Variants in CHL1 observed in about 807,000 individuals in gnomAD.
CHL1 encodes the protein cell adhesion molecule L1 like, also known as neural cell adhesion molecule L1-like protein.
Under a neutral mutation model 141.9 loss-of-function variants are expected in CHL1, and 96 were observed. That is an observed-to-expected ratio of 0.68 (90% CI 0.57 to 0.80). The LOEUF is 0.80. Among genes scored for constraint, CHL1 ranks in the 30% least tolerant of loss-of-function variants. The pLI is 0.00. For synonymous variants in CHL1, 613 were observed against 502.2 expected, an observed-to-expected ratio of 1.22 and a Z score of -2.95; for missense variants, 1,820 against 1,457.2, an observed-to-expected ratio of 1.25 and a Z score of -4.05.
intron 19 of CHL1, 42 bp from the exon 20 acceptor site, chr3:389,210 A>G (rs1294693930): frequency 6.7e-7 from 1 of 1,498,860 alleles, no homozygotes; most frequent in Admixed American, 1.9e-5. Flanking sequence ...CTGAGTCAAC[A>G]CATCTGTGAT....
At chr3:366,971 A>G (rs1037379969) in intron 15 of CHL1, among the ~76,000 whole-genome samples, 4 of 152,222 alleles carry the variant, frequency 2.6e-5, no homozygotes, top group African/African-American at 9.7e-5. Context: ...CAAAACCTAA[A>G]TCATATCTGG....
chr3:296,146 C>T (rs550852979), intron 2 of CHL1, among the ~76,000 whole-genome samples: 2 of 152,270 alleles, frequency 1.3e-5, no homozygotes, highest in East Asian at 3.9e-4. Flanking sequence ...GGTGCATCAG[C>T]TGAAACTTCA....
At chr3:325,510 C>T (rs548938910) in intron 3 of CHL1, among the ~76,000 whole-genome samples, 2 of 151,864 alleles carry the variant, frequency 1.3e-5, no homozygotes, top group African/African-American at 4.8e-5. Context: ...AAAATTATAG[C>T]ATATCAGTGG....
At chr3:339,307 G>A (rs1471034698) in intron 5 of CHL1, among the ~76,000 whole-genome samples, 15 of 152,148 alleles carry the variant, frequency 9.9e-5, no homozygotes, top group African/African-American at 3.1e-4. Context: ...AATCAAAGCC[G>A]AGGCTTTACC....
At chr3:218,284 TATTA>T (rs1700503932) in intron 1 of CHL1, among the ~76,000 whole-genome samples, 1 of 152,218 alleles carries the variant, frequency 6.6e-6, no homozygotes, top group Non-Finnish European at 1.5e-5. Context: ...AGAACCTGCT[TATTA>T]ATTCTTACAG....
intron 1 of CHL1, among the ~76,000 whole-genome samples, chr3:208,929 G>T (rs1285556841): frequency 2.0e-5 from 3 of 152,138 alleles, no homozygotes; most frequent in African/African-American, 7.2e-5. Flanking sequence ...GTACAGGGTA[G>T]TGTAAATATT....
rs571780187 is a variant in CHL1, at chr3:250,914, C to T, written c.-95+6222C>T. 8.5e-5 allele frequency among the ~76,000 whole-genome samples: 13 copies of T among 152,134 alleles called. No homozygotes were observed. The East Asian group carries it at 1.7e-3, about 20-fold the overall frequency. Reference sequence around the variant, plus strand: ...AGCATTTTCAAAGGCATTTATTCAACGATTGTTTTTGTGTGGCTGTTAAGA... The same window carrying T: ...AGCATTTTCAAAGGCATTTATTCAATGATTGTTTTTGTGTGGCTGTTAAGA... On this transcript the variant is annotated intron_variant, in intron 2 of 27. Coordinates refer to ENST00000256509, the MANE Select transcript of CHL1 (RefSeq NM_006614.4).
intron 1 of CHL1, among the ~76,000 whole-genome samples, chr3:222,614 T>C (rs1700948350): frequency 6.6e-6 from 1 of 152,188 alleles, no homozygotes; most frequent in South Asian, 2.1e-4. Flanking sequence ...TTGTAAATGA[T>C]TTGGAAGTTG....
chr3:319,516 A>G (rs1201932023), intron 2 of CHL1, among the ~76,000 whole-genome samples, 167 bp from the exon 3 acceptor site: 1 of 151,614 alleles, frequency 6.6e-6, no homozygotes, highest in Non-Finnish European at 1.5e-5. Context: ...TTTTACATAC[A>G]AAGAGGAAAA....
At chr3:225,040 C>T (rs772899862) in intron 1 of CHL1, among the ~76,000 whole-genome samples, 11 of 151,986 alleles carry the variant, frequency 7.2e-5, no homozygotes, top group South Asian at 2.1e-4. Context: ...GGAGGCCGGG[C>T]GGGAGAACAC....
chr3:404,051 C>G (rs1240977362), intron 27 of CHL1, among the ~76,000 whole-genome samples: 1 of 152,212 alleles, frequency 6.6e-6, no homozygotes, highest in South Asian at 2.1e-4. Context: ...AAAGCATTTT[C>G]TTTCTCAAGT....
chr3:300,668 A>G (rs1698640600), intron 2 of CHL1, among the ~76,000 whole-genome samples: 1 of 152,134 alleles, frequency 6.6e-6, no homozygotes, highest in Admixed American at 6.6e-5. Context: ...TCCTGAGTTT[A>G]TTGTCTAGTA....
At chr3:394,580 G>T in intron 23 of CHL1, 113 bp from the exon 24 acceptor site, 3 of 733,786 alleles carry the variant, frequency 4.1e-6, no homozygotes, top group South Asian at 1.8e-5. Flanking sequence ...TGATGGTTAT[G>T]AATCATTAAT....
In CHL1 at chr3:407,486, G is replaced by C. The variant is rs1709602269; in HGVS notation, c.*1775G>C. ...GTCCCGGGAGTAAGCATTTCAAAGG[G>C]GGAAGGCAGTGTGGTCCCTACCCTG... is the stretch of plus-strand genomic sequence containing the variant. On this transcript the variant is annotated 3_prime_UTR_variant, in exon 28 of 28. Transcript: ENST00000256509. 6.6e-6 allele frequency: 1 copy of C among 152,108 alleles called. No homozygotes were observed. The highest frequency in any genetic ancestry group is 2.4e-5 in the African/African-American group (1 of 41,418). The allele number at this position is 152,108 out of a possible 1,614,324, so 9.4% of individuals were successfully genotyped here.
intron 15 of CHL1, chr3:373,735 G>A (rs1367799369): frequency 6.6e-6 from 1 of 152,370 alleles, no homozygotes; most frequent in Non-Finnish European, 1.5e-5. Context: ...GCTAGACCCA[G>A]TGGCTGGAGT....
intron 3 of CHL1, among the ~76,000 whole-genome samples, chr3:323,422 A>AT (rs936587624): frequency 3.9e-5 from 6 of 152,062 alleles, no homozygotes; most frequent in Non-Finnish European, 8.8e-5. Context: ...GTGAGCGGGT[A>AT]TTTTTTCCAA....
chr3:366,248 A>T (rs1704861998), intron 15 of CHL1, 133 bp downstream of exon 15: 5 of 774,078 alleles, frequency 6.5e-6, no homozygotes, highest in Non-Finnish European at 1.0e-5. Context: ...AGGCGAGTGG[A>T]TCACTTGAGG....
chr3:219,744 G>A (rs149614922), intron 1 of CHL1, among the ~76,000 whole-genome samples: 4 of 152,180 alleles, frequency 2.6e-5, no homozygotes, highest in South Asian at 4.2e-4. Context: ...TAACTAATGG[G>A]AACTAGGCTT....
At position 406,154 on chromosome 3, in the gene CHL1, G is replaced by C. The variant is rs1344117828; in HGVS notation, c.*443G>C. 6.5e-6 allele frequency: 1 copy of C among 153,272 alleles called. No individual in the cohort carries two copies. Among genetic ancestry groups the C allele is most frequent in the African/African-American group, 2.4e-5 (1 of 41,378 alleles). The allele number at this position is 153,272 out of a possible 1,614,324, so 9.5% of individuals were successfully genotyped here. On this transcript the variant is annotated 3_prime_UTR_variant, in exon 28 of 28. Transcript: ENST00000256509. ...CAGGTTAAAAGACCATAAGCAAACTGGTTATTTAAAATGTAAAAAGGAATA... is the reference window on the plus strand; with the variant it reads ...CAGGTTAAAAGACCATAAGCAAACTCGTTATTTAAAATGTAAAAAGGAATA...
Sources: allele counts gnomAD v4.1 joint callset (sites outside exome capture counted in the v4.1 genomes callset), GRCh38; gene constraint gnomAD v4.1.1; transcripts MANE v1.5; gene names NCBI Gene and HGNC (gene_info 2026-07-23, HGNC 2026-07-21).